DEAF1: variants seen among roughly 807,000 people sequenced by gnomAD.
DEAF1 encodes deformed epidermal autoregulatory factor 1 homolog.
A neutral mutation model predicts 58.9 loss-of-function variants in DEAF1; 53 were observed. That is an observed-to-expected ratio of 0.90 (90% CI 0.72 to 1.13). DEAF1 has a LOEUF of 1.13. Ranked by LOEUF, DEAF1 falls within the 50% of genes most tolerant of loss-of-function variation. DEAF1 has a pLI of 0.00. For synonymous variants in DEAF1, 385 were observed against 340.4 expected (o/e 1.13, Z -1.44); for missense variants, 685 against 791.4 (o/e 0.87, Z 1.61).
At chr11:682,242 C>A (rs192133706) in intron 6 of DEAF1, among the ~76,000 whole-genome samples, 1 of 152,320 alleles carries the variant, frequency 6.6e-6, no homozygotes, top group East Asian at 1.9e-4. Flanking sequence ...GCTGCCTGCT[C>A]CATTACTTTC....
At chr11:684,857 C>T (rs756331329) in intron 6 of DEAF1, 41 bp downstream of exon 6, 7 of 1,541,854 alleles carry the variant, frequency 4.5e-6, no homozygotes, top group Non-Finnish European at 5.3e-6. Flanking sequence ...CCGCCCCCAG[C>T]CCCACCAAGT....
chr11:667,459 G>A (rs1231857743), intron 10 of DEAF1, among the ~76,000 whole-genome samples: 1 of 151,882 alleles, frequency 6.6e-6, no homozygotes, highest in East Asian at 1.9e-4. Flanking sequence ...AAGGAAGGCA[G>A]GTAGGCAGGC....
chr11:690,567 G>A (rs1860794763), intron 2 of DEAF1, among the ~76,000 whole-genome samples: 1 of 151,956 alleles, frequency 6.6e-6, no homozygotes, highest in African/African-American at 2.4e-5. Flanking sequence ...TGGACAACAT[G>A]GTGACCTGTC....
intron 4 of DEAF1, among the ~76,000 whole-genome samples, chr11:687,437 C>T (rs1187788816): frequency 6.6e-6 from 1 of 152,256 alleles, no homozygotes; most frequent in Non-Finnish European, 1.5e-5. Flanking sequence ...CTCTCCCAGG[C>T]CTCAGCTCAG....
intron 11 of DEAF1, chr11:646,535 G>A (rs999136674): frequency 1.4e-4 from 21 of 152,340 alleles, no homozygotes; most frequent in African/African-American, 5.1e-4. Flanking sequence ...TGGTCTACAG[G>A]TTTGAGCCAC....
chr11:703,806 C>G, intron 1 of DEAF1: 2 of 1,233,098 alleles, frequency 1.6e-6, no homozygotes, highest in Non-Finnish European at 2.0e-6. Context: ...TCAGGGGCTT[C>G]GGAGGAGAGG....
upstream of DEAF1, among the ~76,000 whole-genome samples, chr11:696,869 C>G (rs895219822): frequency 6.7e-6 from 1 of 148,720 alleles, no homozygotes; most frequent in Non-Finnish European, 1.5e-5. Context: ...CACCTGAGGT[C>G]GAGGGTTCAA....
At chr11:649,953 G>A (rs999953814) in intron 11 of DEAF1, among the ~76,000 whole-genome samples, 1 of 152,046 alleles carries the variant, frequency 6.6e-6, no homozygotes, top group Non-Finnish European at 1.5e-5. Context: ...TTGAACCCGG[G>A]ACGTTGAGGT....
At chr11:673,603 A>G (rs1171354264) in intron 10 of DEAF1, among the ~76,000 whole-genome samples, 1 of 152,226 alleles carries the variant, frequency 6.6e-6, no homozygotes, top group Non-Finnish European at 1.5e-5. Flanking sequence ...TGGGAAAAAT[A>G]TGAATTTGAC....
At chr11:653,437 G>A (rs532333658) in intron 11 of DEAF1, among the ~76,000 whole-genome samples, 14 of 127,526 alleles carry the variant, frequency 1.1e-4, no homozygotes, top group African/African-American at 2.7e-4. Context: ...AGTCTCTCTC[G>A]CGTGGCTCTG....
At chr11:673,671 T>C (rs1859930147) in intron 10 of DEAF1, among the ~76,000 whole-genome samples, 1 of 152,082 alleles carries the variant, frequency 6.6e-6, no homozygotes. Flanking sequence ...TACAACAAAA[T>C]CCATCCCTGT....
At chr11:694,715 C>T (rs1861028501) in intron 1 of DEAF1, 44 bp downstream of exon 1, 4 of 1,283,884 alleles carry the variant, frequency 3.1e-6, no homozygotes, top group South Asian at 2.5e-5. Context: ...GCGGGGTAGG[C>T]GCGCGGGAAC....
chr11:686,130 A>ATT (rs1564949101), intron 5 of DEAF1, among the ~76,000 whole-genome samples: 48 of 54,666 alleles, frequency 8.8e-4, no homozygotes, highest in African/African-American at 1.8e-3. Context: ...TGAAAATTAA[A>ATT]AAAAAAAAAA....
rs372135504 is a variant in DEAF1, at chr11:679,804, G to T, written c.1010C>A (p.Pro337His). 1 of 1,613,706 alleles carries T rather than the reference G, an allele frequency of 6.2e-7. No individual in the cohort carries two copies. The change falls in exon 8 of 12, where the codon CCC becomes CAC. Residue 337 changes from proline to histidine, a missense_variant. Coordinates refer to ENST00000382409, the MANE Select transcript of DEAF1 (RefSeq NM_021008.4). ...CCCCGAGGTCGTGATCTGTCCCGAG[G>T]GGGTCACGGTGACTGGAAAGGCAGA... ...ATAATTFTVT[P>H]SGQITTSGAL...
chr11:681,164 T>C lies in DEAF1; in HGVS notation c.871-75A>G, dbSNP rs145227487. ...GCTGCGCTTGCAACTCCTCCTTAAG[T>C]GGGGGCACCGCGGGGTGTGTGAGTC... On this transcript the variant is annotated intron_variant, in intron 6 of 11. Coordinates refer to ENST00000382409, the MANE Select transcript of DEAF1 (RefSeq NM_021008.4). 443 of 1,603,960 alleles carry C rather than the reference T, an allele frequency of 2.8e-4. 3 individuals carry two copies. In the African/African-American group the frequency reaches 5.5e-3, roughly 20 times the overall value.
intron 10 of DEAF1, among the ~76,000 whole-genome samples, chr11:661,187 G>A (rs1464034711): frequency 6.6e-6 from 1 of 152,236 alleles, no homozygotes; most frequent in East Asian, 1.9e-4. Flanking sequence ...GGGCAGCATG[G>A]CCAACAACAA....
intron 10 of DEAF1, chr11:674,011 C>T (rs1859944157): frequency 4.9e-6 from 1 of 203,334 alleles, no homozygotes; most frequent in Admixed American, 5.3e-5. Flanking sequence ...TAGGAAGCTA[C>T]AGAAAACATG....
intron 11 of DEAF1, among the ~76,000 whole-genome samples, chr11:649,486 G>A (rs7482282): frequency 0.084 from 12,656 of 151,518 alleles, 653 homozygotes; most frequent in Admixed American, 0.18. Flanking sequence ...TTGGGAGGCC[G>A]AGGCGGGCGG....
chr11:674,020 T>C (rs1460499731), intron 10 of DEAF1: 2 of 208,366 alleles, frequency 9.6e-6, no homozygotes, highest in Non-Finnish European at 2.0e-5. Context: ...ACAGAAAACA[T>C]GGGCACTACG....
Sources: allele counts gnomAD v4.1 joint callset (sites outside exome capture counted in the v4.1 genomes callset), GRCh38; gene constraint gnomAD v4.1.1; transcripts MANE v1.5; gene names NCBI Gene and HGNC (gene_info 2026-07-23, HGNC 2026-07-21).